The following RNGTT variants were observed in gnomAD, a reference collection of about 807,000 sequenced individuals.
RNGTT encodes the protein mRNA-capping enzyme.
A neutral mutation model predicts 79.3 loss-of-function variants in RNGTT; 33 were observed. The observed-to-expected ratio is 0.42, with a 90% CI of 0.32 to 0.56. RNGTT has a LOEUF of 0.56. Ranked by LOEUF, RNGTT falls within the 20% of genes least tolerant of loss-of-function variation. RNGTT has a pLI of 0.17. For synonymous variants in RNGTT, 222 were observed against 235.9 expected (o/e 0.94, Z 0.54); for missense variants, 497 against 739.1 (o/e 0.67, Z 3.80).
At chr6:88,786,773 G>C (rs1048552269) in intron 12 of RNGTT, among the ~76,000 whole-genome samples, 3 of 152,106 alleles carry the variant, frequency 2.0e-5, no homozygotes, top group Non-Finnish European at 2.9e-5. Flanking sequence ...TTAAAACACT[G>C]TGCTACAGAC....
At chr6:88,777,737 A>G (rs1472649288) in intron 12 of RNGTT, among the ~76,000 whole-genome samples, 1 of 152,206 alleles carries the variant, frequency 6.6e-6, no homozygotes, top group Non-Finnish European at 1.5e-5. Context: ...TGTCATCTGC[A>G]AACAGAGATA....
chr6:88,801,234 T>C (rs1291498694), intron 12 of RNGTT, among the ~76,000 whole-genome samples: 1 of 152,220 alleles, frequency 6.6e-6, no homozygotes, highest in Non-Finnish European at 1.5e-5. Context: ...GAAATAAACA[T>C]TTATGTAATG....
chr6:88,826,783 C>T (rs1361328347), intron 11 of RNGTT, among the ~76,000 whole-genome samples: 1 of 66,030 alleles, frequency 1.5e-5, no homozygotes, highest in East Asian at 3.4e-4. Flanking sequence ...AACCCTGTCT[C>T]AAAAGAAAAA....
At chr6:88,651,907 T>C (rs1773812075) in intron 14 of RNGTT, among the ~76,000 whole-genome samples, 2 of 152,124 alleles carry the variant, frequency 1.3e-5, no homozygotes, top group African/African-American at 4.8e-5. Context: ...TCTGTGCACA[T>C]AGGCGGTGGA....
At chr6:88,622,844 T>A (rs140607204) in intron 14 of RNGTT, among the ~76,000 whole-genome samples, 5 of 152,144 alleles carry the variant, frequency 3.3e-5, no homozygotes, top group Non-Finnish European at 5.9e-5. Flanking sequence ...TGTTGTGGAC[T>A]GGTGACATAA....
chr6:88,660,041 T>G (rs1001384125), intron 14 of RNGTT, among the ~76,000 whole-genome samples: 2 of 152,200 alleles, frequency 1.3e-5, no homozygotes, highest in Admixed American at 6.5e-5. Context: ...AAAGTTTGTA[T>G]CCAGCAAAAT....
At chr6:88,951,924 G>A (rs1279598323) in intron 1 of RNGTT, among the ~76,000 whole-genome samples, 1 of 152,154 alleles carries the variant, frequency 6.6e-6, no homozygotes, top group Non-Finnish European at 1.5e-5. Context: ...TTCTTAAGCA[G>A]AATCCAGGGA....
chr6:88,621,316 A>G (rs542697158), intron 14 of RNGTT, among the ~76,000 whole-genome samples: 122 of 152,298 alleles, frequency 8.0e-4, no homozygotes, highest in African/African-American at 2.9e-3. Flanking sequence ...GATCAATAAA[A>G]TATGTGCTCT....
At chr6:88,715,368 A>G (rs1441373096) in intron 13 of RNGTT, among the ~76,000 whole-genome samples, 3 of 152,198 alleles carry the variant, frequency 2.0e-5, no homozygotes, top group African/African-American at 7.2e-5. Context: ...AAGAATCAAT[A>G]TCGTGAAAAT....
chr6:88,900,133 C>CAA (rs36070813), intron 6 of RNGTT, among the ~76,000 whole-genome samples: 22 of 131,646 alleles, frequency 1.7e-4, no homozygotes, highest in African/African-American at 4.7e-4. Flanking sequence ...CTCAAATATG[C>CAA]AAAAAAAAAA....
At chr6:88,729,616 A>G (rs1777041492) in intron 13 of RNGTT, among the ~76,000 whole-genome samples, 1 of 152,216 alleles carries the variant, frequency 6.6e-6, no homozygotes, top group South Asian at 2.1e-4. Context: ...TTTATTAACT[A>G]CACTAGAGAT....
chr6:88,851,360 C>T (rs182921048), intron 9 of RNGTT, among the ~76,000 whole-genome samples: 17 of 151,960 alleles, frequency 1.1e-4, no homozygotes, highest in South Asian at 2.1e-4. Flanking sequence ...TTCCTTTTAA[C>T]ATCAAAATAT....
At chr6:88,817,490 T>TAAAAAAAAAAAAAAAAA (rs11354100) in intron 11 of RNGTT, among the ~76,000 whole-genome samples, 2 of 44,556 alleles carry the variant, frequency 4.5e-5, no homozygotes, top group African/African-American at 1.9e-4. Context: ...AAAAAATAAG[T>TAAAAAAAAAAAAAAAAA]AAAAAAAAAA....
chr6:88,825,513 T>G (rs939185147), intron 11 of RNGTT, among the ~76,000 whole-genome samples: 1 of 152,262 alleles, frequency 6.6e-6, no homozygotes, highest in Non-Finnish European at 1.5e-5. Context: ...TAATCAGAGA[T>G]ACTAACTTGA....
At chr6:88,819,771 G>A (rs2127878923) in intron 11 of RNGTT, among the ~76,000 whole-genome samples, 1 of 152,086 alleles carries the variant, frequency 6.6e-6, no homozygotes, top group African/African-American at 2.4e-5. Context: ...ACAGACAGCT[G>A]CTAAATTATT....
intron 12 of RNGTT, among the ~76,000 whole-genome samples, chr6:88,775,203 C>A (rs1386153929): frequency 6.6e-6 from 1 of 152,076 alleles, no homozygotes; most frequent in Non-Finnish European, 1.5e-5. Flanking sequence ...TTAACATTAT[C>A]CATCTCCTCA....
chr6:88,850,402 A>T (rs564400780), intron 9 of RNGTT, among the ~76,000 whole-genome samples: 1 of 152,088 alleles, frequency 6.6e-6, no homozygotes, highest in Non-Finnish European at 1.5e-5. Flanking sequence ...AGTCAAAAAA[A>T]ATGCAGTCTG....
intron 13 of RNGTT, among the ~76,000 whole-genome samples, chr6:88,740,951 T>C (rs1310183362): frequency 1.3e-5 from 2 of 152,196 alleles, no homozygotes; most frequent in East Asian, 3.8e-4. Flanking sequence ...TGGTATGAGA[T>C]GCTGGTTAGG....
chr6:88,957,014 C>T (rs1312237445), intron 1 of RNGTT, among the ~76,000 whole-genome samples: 1 of 152,122 alleles, frequency 6.6e-6, no homozygotes, highest in Admixed American at 6.5e-5. Flanking sequence ...GACTGGGTGA[C>T]AGAGCAAGAC....
Sources: allele counts gnomAD v4.1 joint callset (sites outside exome capture counted in the v4.1 genomes callset), GRCh38; gene constraint gnomAD v4.1.1; transcripts MANE v1.5; gene names NCBI Gene and HGNC (gene_info 2026-07-23, HGNC 2026-07-21).